The following PRKAR1A variants were observed in gnomAD, a reference collection of about 807,000 sequenced individuals.
PRKAR1A encodes the protein cAMP-dependent protein kinase type I-alpha regulatory subunit.
PRKAR1A carries 3 observed loss-of-function variants against 52.0 expected under a neutral mutation model. The ratio of observed to expected loss-of-function variants is 0.06; its 90% confidence interval spans 0.03 to 0.15. The LOEUF (loss-of-function observed/expected upper bound fraction) is 0.15, where lower values mean the gene tolerates loss of function less well. Ranked by LOEUF, PRKAR1A falls within the 10% of genes least tolerant of loss-of-function variation. The pLI, the probability that PRKAR1A is intolerant of heterozygous loss-of-function variation, is 1.00. For synonymous variants in PRKAR1A, 188 were observed against 168.4 expected (o/e 1.12, Z -0.90); for missense variants, 240 against 477.4 (o/e 0.50, Z 4.63).
chr17:68,425,771 T>G, the PRKAR1A span, among the ~76,000 whole-genome samples: 1 of 152,128 alleles, frequency 6.6e-6, no homozygotes, highest in Non-Finnish European at 1.5e-5. Context: ...GGCAGCAAAG[T>G]CAGTGCTACA....
At chr17:68,479,872 A>G in the PRKAR1A span, among the ~76,000 whole-genome samples, 1 of 152,258 alleles carries the variant, frequency 6.6e-6, no homozygotes, top group African/African-American at 2.4e-5. Flanking sequence ...GGAAGAAAAC[A>G]CGTCCTTCTT....
the PRKAR1A span, among the ~76,000 whole-genome samples, chr17:68,471,447 C>T: frequency 1.3e-5 from 2 of 152,186 alleles, no homozygotes; most frequent in Non-Finnish European, 2.9e-5. Context: ...CAGACATAGA[C>T]CTTGATGTGT....
chr17:68,462,797 A>C, the PRKAR1A span, among the ~76,000 whole-genome samples: 1 of 152,188 alleles, frequency 6.6e-6, no homozygotes, highest in Non-Finnish European at 1.5e-5. Context: ...CAGAGGAGCA[A>C]GGGGTGAAGA....
chr17:68,535,698 G>A (rs1052908654), downstream of PRKAR1A: 1 of 447,658 alleles, frequency 2.2e-6, no homozygotes, highest in Admixed American at 2.4e-5. Flanking sequence ...TTTTTGTAGA[G>A]ACAGGGTTTT....
chr17:68,461,566 C>CTT, the PRKAR1A span, among the ~76,000 whole-genome samples: 1 of 152,214 alleles, frequency 6.6e-6, no homozygotes, highest in African/African-American at 2.4e-5. The surrounding 1 kb of genome is among the most constrained non-coding windows in gnomAD (Gnocchi z 4.6). Context: ...TCCTATTCTT[C>CTT]TTTTTATAAA....
At chr17:68,527,659 T>C in intron 7 of PRKAR1A, 181 bp from the exon 8 acceptor site, 1 of 569,080 alleles carries the variant, frequency 1.8e-6, no homozygotes, top group South Asian at 2.1e-5. Flanking sequence ...GAATGTCATA[T>C]CATTCATTAC....
the PRKAR1A span, among the ~76,000 whole-genome samples, chr17:68,476,264 G>C: frequency 6.6e-6 from 1 of 152,172 alleles, no homozygotes; most frequent in African/African-American, 2.4e-5. Context: ...GAGATGGTAT[G>C]TTAAAAACTC....
At chr17:68,497,644 G>A in the PRKAR1A span, among the ~76,000 whole-genome samples, 1 of 152,270 alleles carries the variant, frequency 6.6e-6, no homozygotes, top group East Asian at 1.9e-4. Flanking sequence ...TGTGCCAAGT[G>A]CCGTGCTAAG....
At chr17:68,489,297 A>G in the PRKAR1A span, among the ~76,000 whole-genome samples, 2 of 83,602 alleles carry the variant, frequency 2.4e-5, no homozygotes, top group African/African-American at 5.8e-5. Context: ...TATGGAAAGT[A>G]TATATATATA....
At chr17:68,502,110 GC>G in the PRKAR1A span, among the ~76,000 whole-genome samples, 1 of 152,118 alleles carries the variant, frequency 6.6e-6, no homozygotes, top group Non-Finnish European at 1.5e-5. Context: ...AAGTGTTCAG[GC>G]TCCAGACTCC....
the PRKAR1A span, among the ~76,000 whole-genome samples, chr17:68,472,047 G>A: frequency 3.9e-5 from 6 of 152,242 alleles, no homozygotes; most frequent in South Asian, 4.1e-4. Flanking sequence ...CAAGCAATCC[G>A]CCCGCCTGGG....
the PRKAR1A span, among the ~76,000 whole-genome samples, chr17:68,492,265 C>A: frequency 6.6e-6 from 1 of 152,058 alleles, no homozygotes; most frequent in African/African-American, 2.4e-5. Context: ...GGGAAAGAGC[C>A]GATCTTATTT....
chr17:68,499,618 T>C, the PRKAR1A span, among the ~76,000 whole-genome samples: 1 of 152,230 alleles, frequency 6.6e-6, no homozygotes, highest in South Asian at 2.1e-4. Context: ...AAATGTTTAT[T>C]TCAAGGTGGA....
At chr17:68,542,682 C>G (rs1315006817) in intron 11 of PRKAR1A, 1 of 1,597,516 alleles carries the variant, frequency 6.3e-7, no homozygotes, top group Non-Finnish European at 8.6e-7. Flanking sequence ...ATCACTCGGG[C>G]CAGTACTCTA....
Position 68,539,273 on chromosome 17 carries a change from C to G in PRKAR1A, c.973+9272C>G, listed in dbSNP as rs1230404289. ...AAACTGGAAGCCCTTCAGACCTTGG[C>G]TGCAAGCAGCATGAAGGGTCACAAC... On this transcript the variant is annotated intron_variant, in intron 11 of 11. Coordinates refer to the PRKAR1A transcript ENST00000585981. The G allele has an allele frequency of 3.2e-6, 5 of 1,561,916 alleles. No individual in the cohort carries two copies. In the East Asian group the frequency reaches 9.0e-5, roughly 28 times the overall value.
upstream of PRKAR1A, chr17:68,512,162 C>G (rs1419205441): frequency 1.3e-5 from 2 of 153,776 alleles, no homozygotes; most frequent in African/African-American, 4.8e-5. Flanking sequence ...GGCAGGTGAG[C>G]AGGAAGGAGG....
At chr17:68,450,487 G>C in the PRKAR1A span, among the ~76,000 whole-genome samples, 1 of 152,218 alleles carries the variant, frequency 6.6e-6, no homozygotes, top group Non-Finnish European at 1.5e-5. Context: ...AGAGGGTGCA[G>C]CCTACCAGTC....
chr17:68,433,897 C>T, the PRKAR1A span, among the ~76,000 whole-genome samples: 1 of 149,962 alleles, frequency 6.7e-6, no homozygotes, highest in South Asian at 2.1e-4. Flanking sequence ...ATTCTCCTGC[C>T]TCAGCCTCCC....
chr17:68,490,729 C>A, the PRKAR1A span, among the ~76,000 whole-genome samples: 1 of 152,096 alleles, frequency 6.6e-6, no homozygotes, highest in African/African-American at 2.4e-5. Flanking sequence ...AAAAAGAAAG[C>A]ACTCCCTCTA....
Sources: gnomAD v4.1 joint callset for allele counts (sites outside exome capture counted in the v4.1 genomes callset) on GRCh38, gnomAD v4.1.1 for gene constraint, Gnocchi (gnomAD v3.1) non-coding constraint, MANE v1.5 for transcripts, NCBI Gene and HGNC (gene_info 2026-07-23, HGNC 2026-07-21) for gene names.